Variants in WDR64 observed in about 807,000 individuals in gnomAD.
WDR64 encodes the protein WD repeat-containing protein 64.
In WDR64, 112 loss-of-function variants were observed where a neutral mutation model predicts 139.3. The ratio of observed to expected loss-of-function variants is 0.80; its 90% CI spans 0.69 to 0.94. WDR64 has a LOEUF of 0.94. Among genes scored for constraint, WDR64 ranks in the 40% least tolerant of loss-of-function variants. The pLI, the probability that WDR64 is intolerant of heterozygous loss-of-function variation, is 0.00. For synonymous variants in WDR64, 444 were observed against 437.7 expected (o/e 1.01, Z -0.18); for missense variants, 1,206 against 1,293.1 (o/e 0.93, Z 1.03).
Position 241,800,761 on chromosome 1 carries a change from TATTA to T in WDR64, c.3193-362_3193-359del, listed in dbSNP as rs1179564647. On this transcript the variant is annotated intron_variant, in intron 27 of 27. Transcript: ENST00000437684. Reference sequence around the variant, plus strand: ...CGACTCTGATGTTATTAATCTGCAATATTAATTAATTATTAATTGTGCTCGCTTC... The same window carrying T: ...CGACTCTGATGTTATTAATCTGCAATATTAATTATTAATTGTGCTCGCTTC... Among the ~76,000 whole-genome samples, 10 of 152,318 alleles carry T rather than the reference TATTA, an allele frequency of 6.6e-5. No individual in the cohort carries two copies. In the South Asian group the frequency reaches 1.2e-3, roughly 19 times the overall value.
At chr1:241,799,655 C>G (rs947472807) in intron 27 of WDR64, among the ~76,000 whole-genome samples, 2 of 152,076 alleles carry the variant, frequency 1.3e-5, no homozygotes, top group Non-Finnish European at 2.9e-5. Flanking sequence ...TCCAAAAAAG[C>G]AAGTCATAGA....
chr1:241,752,169 C>T (rs755339874), intron 14 of WDR64, among the ~76,000 whole-genome samples: 168 of 152,210 alleles, frequency 1.1e-3, no homozygotes, highest in Non-Finnish European at 1.9e-3. Flanking sequence ...CATAATAATG[C>T]TCTTAGCATT....
rs184232609 is a variant in WDR64 at position 241,791,397 on chromosome 1, G to A, written c.2997+701G>A. Among the ~76,000 whole-genome samples the A allele has an allele frequency of 4.6e-3, 707 of 152,274 alleles. 6 individuals are homozygous for A. The highest frequency in any genetic ancestry group is 0.016 in the African/African-American group (672 of 41,554). Reference sequence around the variant, plus strand: ...GCTTTTAAATATTTATGTGGGCCGGGCACAGTGGCCTGTAAACCCATCACA... The same window carrying A: ...GCTTTTAAATATTTATGTGGGCCGGACACAGTGGCCTGTAAACCCATCACA... On this transcript the variant is annotated intron_variant, in intron 25 of 27. Coordinates refer to ENST00000437684, the MANE Select transcript of WDR64 (RefSeq NM_001367482.1).
chr1:241,754,616 C>T (rs987450650), intron 14 of WDR64, among the ~76,000 whole-genome samples: 1 of 152,082 alleles, frequency 6.6e-6, no homozygotes, highest in South Asian at 2.1e-4. Flanking sequence ...CCTTGCCTGG[C>T]CCGTGCAGGT....
chr1:241,658,937 G>C (rs1665720402), intron 1 of WDR64, among the ~76,000 whole-genome samples: 1 of 151,636 alleles, frequency 6.6e-6, no homozygotes, highest in Admixed American at 6.6e-5. Flanking sequence ...TACGTGTGCA[G>C]GATGTGCAGG....
chr1:241,680,827 C>T (rs1263522757), intron 6 of WDR64, among the ~76,000 whole-genome samples: 1 of 152,228 alleles, frequency 6.6e-6, no homozygotes, highest in Non-Finnish European at 1.5e-5. Flanking sequence ...AACCAGCTCA[C>T]TGGCCCATTT....
intron 11 of WDR64, among the ~76,000 whole-genome samples, chr1:241,739,084 C>T (rs997409705): frequency 1.3e-5 from 2 of 152,196 alleles, no homozygotes; most frequent in African/African-American, 4.8e-5. Context: ...GACACCTTCA[C>T]CAGCCTTTGC....
At position 241,740,964 on chromosome 1, in the gene WDR64, G is replaced by C. The variant is rs529700573; in HGVS notation, c.1322-552G>C. Among the ~76,000 whole-genome samples the C allele has an allele frequency of 1.2e-4, 18 of 152,320 alleles. No homozygotes were observed. The South Asian group carries it at 3.7e-3, about 32-fold the overall frequency. ...TCATCTACTTCTACTTTACAGTGGT[G>C]ATTTAGAAATTAATCTTATTTTTAT... On this transcript the variant is annotated intron_variant, in intron 11 of 27. Transcript: ENST00000437684.
Position 241,779,958 on chromosome 1 carries a change from T to C in WDR64, c.2537-46T>C, listed in dbSNP as rs183581495. ...AACTTTTGGATAGTATTGATTTAGA[T>C]AACATGATATCTAATTAAAGATTCC... On this transcript the variant is annotated intron_variant, in intron 21 of 27. Transcript: ENST00000437684. 1.3e-5 allele frequency: 19 copies of C among 1,454,952 alleles called. No homozygotes were observed. The African/African-American group carries it at 2.0e-4, about 16-fold the overall frequency. The allele number at this position is 1,454,952 out of a possible 1,614,324, so 90.1% of individuals were successfully genotyped here.
At position 241,766,367 on chromosome 1, in the gene WDR64, T is replaced by C. The variant is rs751253709; in HGVS notation, c.2081+16T>C. 1 of 1,612,172 alleles carries C rather than the reference T, an allele frequency of 6.2e-7. No homozygotes were observed. On this transcript the variant is annotated intron_variant, in intron 16 of 27. Coordinates refer to ENST00000437684, the MANE Select transcript of WDR64 (RefSeq NM_001367482.1). ...TCAAAAAAGTGTAAGTTGTGTATTA[T>C]CCTTAAACAATGTAAAAGCTTTACT... is the stretch of plus-strand genomic sequence containing the variant.
intron 1 of WDR64, among the ~76,000 whole-genome samples, chr1:241,654,109 C>T (rs1558455162): frequency 2.0e-5 from 3 of 152,150 alleles, no homozygotes; most frequent in African/African-American, 4.8e-5. Flanking sequence ...CTCTCAAACC[C>T]CCCTTTTCCA....
At chr1:241,727,738 G>A (rs6690359) in intron 10 of WDR64, among the ~76,000 whole-genome samples, 63,287 of 151,768 alleles carry the variant, frequency 0.42, 13,324 homozygotes, top group South Asian at 0.48. Flanking sequence ...GATAAGTATG[G>A]TAAGAAATAG....
chr1:241,654,507 A>G (rs1665497289), intron 1 of WDR64, among the ~76,000 whole-genome samples: 1 of 152,338 alleles, frequency 6.6e-6, no homozygotes, highest in East Asian at 1.9e-4. Context: ...CTCTGCTTCA[A>G]GAAACTTCCT....
chr1:241,697,704 A>G (rs1667548362), intron 8 of WDR64, among the ~76,000 whole-genome samples: 1 of 152,032 alleles, frequency 6.6e-6, no homozygotes, highest in Admixed American at 6.5e-5. Context: ...TCTTATTTTA[A>G]CTTCCGAGAA....
Position 241,659,391 on chromosome 1 carries a change from A to G in WDR64, c.146-1139A>G, listed in dbSNP as rs995259832. On this transcript the variant is annotated intron_variant, in intron 1 of 27. Coordinates refer to ENST00000437684, the MANE Select transcript of WDR64 (RefSeq NM_001367482.1). ...GCATATGCATGCATGTATCTTTATA[A>G]TAGAATGATTTTTATTCCTTTGGGT... Among the ~76,000 whole-genome samples, 3 of 152,158 alleles carry G rather than the reference A, an allele frequency of 2.0e-5. No homozygotes were observed. In the East Asian group the frequency reaches 5.8e-4, roughly 29 times the overall value.
At chr1:241,728,815 C>A (rs2148213792) in intron 10 of WDR64, among the ~76,000 whole-genome samples, 1 of 122,808 alleles carries the variant, frequency 8.1e-6, no homozygotes, top group South Asian at 2.6e-4. Context: ...AAGGCTGATT[C>A]TCTTCTTCTT....
chr1:241,666,978 A>G (rs1477528606), intron 2 of WDR64, among the ~76,000 whole-genome samples: 2 of 152,224 alleles, frequency 1.3e-5, no homozygotes, highest in Admixed American at 6.5e-5. Flanking sequence ...ACTTCCTTGC[A>G]TAGGACATTG....
At chr1:241,737,190 A>G (rs77595201) in intron 10 of WDR64, among the ~76,000 whole-genome samples, 6,714 of 152,278 alleles carry the variant, frequency 0.044, 504 homozygotes, top group African/African-American at 0.15. Context: ...TTTTCACTAG[A>G]ACAAAGAAAA....
chr1:241,785,674 A>G (rs1659012351), intron 23 of WDR64, among the ~76,000 whole-genome samples: 1 of 152,258 alleles, frequency 6.6e-6, no homozygotes, highest in Non-Finnish European at 1.5e-5. Flanking sequence ...ACCTCAGAAC[A>G]CAACTGTCTT....
Sources: allele counts gnomAD v4.1 joint callset (sites outside exome capture counted in the v4.1 genomes callset), GRCh38; gene constraint gnomAD v4.1.1; transcripts MANE v1.5; gene names NCBI Gene and HGNC (gene_info 2026-07-23, HGNC 2026-07-21).